LOXHD1: variants seen among roughly 807,000 people sequenced by gnomAD.
The protein encoded by LOXHD1 is lipoxygenase homology PLAT domains 1, also known as lipoxygenase homology domain-containing protein 1.
LOXHD1 carries 205 observed loss-of-function variants against 248.2 expected under a neutral mutation model. The observed-to-expected ratio is 0.83, with a 90% CI of 0.74 to 0.93. The LOEUF (loss-of-function observed/expected upper bound fraction) is 0.93. Among genes scored for constraint, LOXHD1 ranks in the 40% least tolerant of loss-of-function variants. LOXHD1 has a pLI of 0.00. For missense variants in LOXHD1, 2,930 were observed against 2,971.6 expected (o/e 0.99, Z 0.33); for synonymous variants, 1,113 against 1,162.8 (o/e 0.96, Z 0.87).
chr18:46,579,487 GC>G (rs1376582563), intron 13 of LOXHD1, 142 bp downstream of exon 13: 4 of 1,098,032 alleles, frequency 3.6e-6, no homozygotes, highest in African/African-American at 3.1e-5. Context: ...CCAGTTCCCC[GC>G]CCCCTTACCC....
chr18:46,550,915 T>C (rs187527504), intron 21 of LOXHD1, among the ~76,000 whole-genome samples: 39 of 152,226 alleles, frequency 2.6e-4, no homozygotes, highest in Admixed American at 1.2e-3. Context: ...TGTCTGTTCC[T>C]CCTGCTGGGA....
chr18:46,581,342 T>G (rs1444736322), intron 12 of LOXHD1, among the ~76,000 whole-genome samples: 1 of 152,128 alleles, frequency 6.6e-6, no homozygotes, highest in Non-Finnish European at 1.5e-5. Context: ...AGAGAGAAGT[T>G]GCAGGTGACT....
At chr18:46,552,695 G>A (rs2037156432) in intron 21 of LOXHD1, among the ~76,000 whole-genome samples, 1 of 152,132 alleles carries the variant, frequency 6.6e-6, no homozygotes, top group Non-Finnish European at 1.5e-5. Flanking sequence ...GACCCCAGCT[G>A]GCATTCTCTT....
At chr18:46,632,076 C>T (rs1245059409) in intron 4 of LOXHD1, among the ~76,000 whole-genome samples, 1 of 152,204 alleles carries the variant, frequency 6.6e-6, no homozygotes, top group Admixed American at 6.5e-5. Context: ...GGGAGGCACT[C>T]TGTGCTGCTT....
At chr18:46,506,129 G>A in intron 36 of LOXHD1, 106 bp from the exon 37 acceptor site, 1 of 1,264,576 alleles carries the variant, frequency 7.9e-7, no homozygotes, top group Non-Finnish European at 1.1e-6. Context: ...GGGTACAGGT[G>A]GACAGAGTAC....
rs543845504 is a variant in LOXHD1 at position 46,522,311 on chromosome 18, T to A, written c.4877-2A>T. On this transcript the variant is annotated splice_acceptor_variant, in intron 31 of 40. Coordinates refer to ENST00000642948, the MANE Select transcript of LOXHD1 (RefSeq NM_001384474.1). LOFTEE classifies it high-confidence loss of function. ...TGACTGACACATAGTAGGGAATAACTGCAAGAGATCACGGGGCTCAGGTTC... is the reference window on the plus strand; with the variant it reads ...TGACTGACACATAGTAGGGAATAACAGCAAGAGATCACGGGGCTCAGGTTC... 1 of 1,551,466 alleles carries A rather than the reference T, an allele frequency of 6.4e-7. No homozygotes were observed. Among genetic ancestry groups the A allele is most frequent in the African/African-American group, 1.4e-5 (1 of 73,164 alleles).
At chr18:46,628,195 G>C (rs1483158136) in intron 4 of LOXHD1, among the ~76,000 whole-genome samples, 2 of 152,212 alleles carry the variant, frequency 1.3e-5, no homozygotes, top group East Asian at 3.9e-4. Flanking sequence ...AGTAGATAAA[G>C]TCCCTTTTGG....
At chr18:46,545,274 G>C in intron 23 of LOXHD1, 43 bp downstream of exon 23, 3 of 1,412,938 alleles carry the variant, frequency 2.1e-6, no homozygotes, top group Non-Finnish European at 2.9e-6. Flanking sequence ...GGTCTCCCTG[G>C]GGAAGAATGT....
At chr18:46,485,929 T>A (rs1214259696) in intron 38 of LOXHD1, among the ~76,000 whole-genome samples, 1 of 151,930 alleles carries the variant, frequency 6.6e-6, no homozygotes, top group Non-Finnish European at 1.5e-5. Flanking sequence ...TCCCTAGAGC[T>A]CTGCAATGCT....
intron 12 of LOXHD1, among the ~76,000 whole-genome samples, chr18:46,581,632 T>C (rs2037964406): frequency 6.6e-6 from 1 of 152,116 alleles, no homozygotes; most frequent in East Asian, 1.9e-4. Flanking sequence ...AAAGAATATT[T>C]GAACAAATAA....
chr18:46,571,600 A>G (rs1323600592), intron 15 of LOXHD1, among the ~76,000 whole-genome samples: 1 of 152,250 alleles, frequency 6.6e-6, no homozygotes, highest in Non-Finnish European at 1.5e-5. Context: ...TGAGATAATA[A>G]ATGACAAACA....
intron 21 of LOXHD1, among the ~76,000 whole-genome samples, chr18:46,554,354 T>C (rs1456579760): frequency 6.6e-6 from 1 of 152,072 alleles, no homozygotes; most frequent in Non-Finnish European, 1.5e-5. Flanking sequence ...TCAAATCCTT[T>C]TGGCTGCAAA....
At chr18:46,535,371 C>T (rs1366811310) in intron 26 of LOXHD1, among the ~76,000 whole-genome samples, 2 of 151,784 alleles carry the variant, frequency 1.3e-5, no homozygotes, top group Non-Finnish European at 2.9e-5. Flanking sequence ...GCCTTAACCA[C>T]GATGGTGTGC....
intron 36 of LOXHD1, 94 bp from the exon 37 acceptor site, chr18:46,506,117 A>G (rs2034556131): frequency 7.4e-7 from 1 of 1,348,868 alleles, no homozygotes; most frequent in Non-Finnish European, 1.0e-6. Flanking sequence ...CAGAGGAGTC[A>G]GGGGTACAGG....
intron 38 of LOXHD1, among the ~76,000 whole-genome samples, chr18:46,486,076 AT>A (rs1211891761): frequency 1.3e-5 from 2 of 152,010 alleles, no homozygotes; most frequent in Non-Finnish European, 2.9e-5. Flanking sequence ...CCTAATTAAA[AT>A]TGCTACCTGA....
At chr18:46,519,415 G>A (rs759795503) in intron 33 of LOXHD1, among the ~76,000 whole-genome samples, 1 of 152,226 alleles carries the variant, frequency 6.6e-6, no homozygotes, top group Non-Finnish European at 1.5e-5. Context: ...GGGGTTGCAT[G>A]CTTTTCTGGC....
At chr18:46,507,478 G>T (rs2034645212) in intron 36 of LOXHD1, 60 bp downstream of exon 36, 1 of 1,541,940 alleles carries the variant, frequency 6.5e-7, no homozygotes, top group South Asian at 1.2e-5. Flanking sequence ...AAGGGCCTGA[G>T]CCCGAATTTG....
chr18:46,612,900 T>C (rs538604205), intron 5 of LOXHD1, among the ~76,000 whole-genome samples: 17 of 152,280 alleles, frequency 1.1e-4, no homozygotes, highest in Non-Finnish European at 2.5e-4. Flanking sequence ...ACTCTATGTG[T>C]GCTTCTAGAC....
At chr18:46,478,670 C>G (rs1319263793) in intron 40 of LOXHD1, among the ~76,000 whole-genome samples, 1 of 152,058 alleles carries the variant, frequency 6.6e-6, no homozygotes, top group East Asian at 1.9e-4. Flanking sequence ...CTGTGTTTTC[C>G]TTTATTCATT....
Sources: allele counts gnomAD v4.1 joint callset (sites outside exome capture counted in the v4.1 genomes callset), GRCh38; gene constraint gnomAD v4.1.1; transcripts MANE v1.5; gene names NCBI Gene and HGNC (gene_info 2026-07-23, HGNC 2026-07-21).